The following KCTD1 variants were observed in gnomAD, a reference collection of about 807,000 sequenced individuals.
KCTD1 encodes the protein BTB/POZ domain-containing protein KCTD1.
KCTD1 carries 24 observed loss-of-function variants against 66.0 expected under a neutral mutation model. That is an observed-to-expected ratio of 0.36 (90% CI 0.26 to 0.51). The LOEUF (loss-of-function observed/expected upper bound fraction) is 0.51. Ranked by LOEUF, KCTD1 falls within the 20% of genes least tolerant of loss-of-function variation. The probability of loss-of-function intolerance (pLI) is 0.95; values close to 1 mark genes in which losing one functional copy is unlikely to be tolerated. For missense variants in KCTD1, 943 were observed against 1,205.2 expected (o/e 0.78, Z 3.22); for synonymous variants, 511 against 517.2 (o/e 0.99, Z 0.16).
upstream of KCTD1, among the ~76,000 whole-genome samples, chr18:26,632,908 C>T (rs1987651545): frequency 6.6e-6 from 1 of 151,864 alleles, no homozygotes; most frequent in Admixed American, 6.6e-5. Flanking sequence ...TATGTAATTA[C>T]AATTAGAATT....
upstream of KCTD1, among the ~76,000 whole-genome samples, chr18:26,643,286 G>A (rs980508628): frequency 2.0e-5 from 3 of 152,122 alleles, no homozygotes; most frequent in Admixed American, 1.3e-4. Context: ...CTACCCTTAC[G>A]AACTGGTAAT....
chr18:26,465,002 T>TG (rs1980644544), intron 3 of KCTD1, among the ~76,000 whole-genome samples: 1 of 152,178 alleles, frequency 6.6e-6, no homozygotes, highest in South Asian at 2.1e-4. Context: ...GGATGGAGGT[T>TG]GGGGGAGTGG....
intron 1 of KCTD1, among the ~76,000 whole-genome samples, chr18:26,647,951 C>T (rs972660225): frequency 1.3e-5 from 2 of 152,008 alleles, no homozygotes; most frequent in Non-Finnish European, 2.9e-5. Flanking sequence ...GTGATTCTCC[C>T]GCCTCAGTCT....
In KCTD1 at chr18:26,616,708, G is replaced by A. The variant is rs939974791; in HGVS notation, c.-16+12439C>T. Among the ~76,000 whole-genome samples the A allele has an allele frequency of 4.1e-4, 62 of 150,870 alleles. 1 individual carries two copies. Among genetic ancestry groups the A allele is most frequent in the Middle Eastern group, 3.4e-3 (1 of 290 alleles). Reference sequence around the variant, plus strand: ...CTAATTAAAAAAAAAAAAATTTGTAGAGACCAGGTCTGGTTACTCAGGCTG... The same window carrying A: ...CTAATTAAAAAAAAAAAAATTTGTAAAGACCAGGTCTGGTTACTCAGGCTG... On this transcript the variant is annotated intron_variant, in intron 1 of 4. Transcript: ENST00000317932.
chr18:26,500,335 A>G (rs1212854484), intron 2 of KCTD1, among the ~76,000 whole-genome samples: 1 of 151,568 alleles, frequency 6.6e-6, no homozygotes, highest in Non-Finnish European at 1.5e-5. Flanking sequence ...TGGAAGGGTC[A>G]CTTAAGCCCA....
chr18:26,476,805 C>G lies in KCTD1; in HGVS notation c.1989-146G>C. The G allele has an allele frequency of 1.5e-6, 1 of 658,096 alleles. No individual in the cohort carries two copies. The highest frequency in any genetic ancestry group is 2.9e-5 in the East Asian group (1 of 34,930). The allele number at this position is 658,096 out of a possible 1,614,324, so 40.8% of individuals were successfully genotyped here. ...TACGATTGTCTGCAAAGTGTTGGTC[C>G]CCGCTTGATAAATATCTCAGGACGA... is the stretch of plus-strand genomic sequence containing the variant. On this transcript the variant is annotated intron_variant, in intron 2 of 4. Coordinates refer to ENST00000580059, the MANE Select transcript of KCTD1 (RefSeq NM_001142730.3). The surrounding 1 kb of genome is among the most constrained non-coding windows in gnomAD (Gnocchi z 4.9).
intron 1 of KCTD1, among the ~76,000 whole-genome samples, chr18:26,541,635 G>C (rs1194544506): frequency 1.3e-5 from 2 of 152,208 alleles, no homozygotes; most frequent in African/African-American, 4.8e-5. Flanking sequence ...AAGGAATTTG[G>C]AGTATCACTG....
At chr18:26,490,302 A>G (rs553904047) in intron 2 of KCTD1, among the ~76,000 whole-genome samples, 1 of 152,336 alleles carries the variant, frequency 6.6e-6, no homozygotes, top group Non-Finnish European at 1.5e-5. Context: ...AGTAAACAGC[A>G]GGTGGAGCTC....
chr18:26,495,459 C>A (rs953086985), intron 2 of KCTD1, among the ~76,000 whole-genome samples: 1 of 152,134 alleles, frequency 6.6e-6, no homozygotes, highest in Admixed American at 6.6e-5. Flanking sequence ...GCTGGCAGAG[C>A]ACACATGTTT....
intron 1 of KCTD1, chr18:26,599,799 G>A: frequency 6.4e-7 from 1 of 1,565,602 alleles, no homozygotes; most frequent in East Asian, 2.2e-5. Flanking sequence ...AGCTGCAGCG[G>A]GAGCCCCTAA....
upstream of KCTD1, among the ~76,000 whole-genome samples, chr18:26,552,532 A>C (rs1985598829): frequency 6.6e-6 from 1 of 152,244 alleles, no homozygotes; most frequent in Admixed American, 6.5e-5. Context: ...TCTGTATTAA[A>C]AATCAGGACA....
At chr18:26,601,969 C>T (rs1986909249) in intron 1 of KCTD1, among the ~76,000 whole-genome samples, 1 of 151,982 alleles carries the variant, frequency 6.6e-6, no homozygotes. Context: ...CATATTTATG[C>T]CTTTATTTCA....
upstream of KCTD1, among the ~76,000 whole-genome samples, chr18:26,630,531 G>T (rs755061843): frequency 5.3e-5 from 8 of 152,036 alleles, no homozygotes; most frequent in Non-Finnish European, 1.2e-4. Context: ...GCCCAGGCTG[G>T]TCTCAAATTC....
intron 1 of KCTD1, among the ~76,000 whole-genome samples, chr18:26,514,504 C>CA (rs1983534486): frequency 7.0e-6 from 1 of 143,496 alleles, no homozygotes; most frequent in Admixed American, 7.5e-5. Context: ...GAGCTATGAT[C>CA]ATGCCACTGC....
intron 2 of KCTD1, among the ~76,000 whole-genome samples, chr18:26,488,369 T>C (rs763203888): frequency 1.9e-4 from 29 of 152,306 alleles, no homozygotes; most frequent in Non-Finnish European, 3.7e-4. Context: ...CAGTGGGATA[T>C]ACTTAAAAGA....
At chr18:26,608,397 G>T (rs563982244) in intron 1 of KCTD1, among the ~76,000 whole-genome samples, 1 of 152,190 alleles carries the variant, frequency 6.6e-6, no homozygotes, top group African/African-American at 2.4e-5. Flanking sequence ...TAGTTCAACC[G>T]ATTCACCTAG....
At chr18:26,620,835 T>C (rs1365922295) in intron 1 of KCTD1, among the ~76,000 whole-genome samples, 3 of 30,898 alleles carry the variant, frequency 9.7e-5, no homozygotes, top group African/African-American at 1.8e-4. Flanking sequence ...TTGAAAAGCT[T>C]TTTTTTTTTT....
intron 1 of KCTD1, among the ~76,000 whole-genome samples, chr18:26,607,264 C>T (rs1024604013): frequency 3.9e-5 from 6 of 152,158 alleles, no homozygotes; most frequent in Admixed American, 3.9e-4. Flanking sequence ...ACTTTGGCCT[C>T]AAGTGATACT....
chr18:26,499,138 G>A (rs1238524632), intron 2 of KCTD1, among the ~76,000 whole-genome samples: 1 of 152,190 alleles, frequency 6.6e-6, no homozygotes, highest in Non-Finnish European at 1.5e-5. Flanking sequence ...AGAAACTGAA[G>A]CAAAAGGCCA....
Sources: gnomAD v4.1 joint callset for allele counts (sites outside exome capture counted in the v4.1 genomes callset) on GRCh38, gnomAD v4.1.1 for gene constraint, Gnocchi (gnomAD v3.1) non-coding constraint, MANE v1.5 for transcripts, NCBI Gene and HGNC (gene_info 2026-07-23, HGNC 2026-07-21) for gene names.